Variants in CSMD1 observed in about 807,000 individuals in gnomAD.
The protein encoded by CSMD1 is CUB and Sushi multiple domains 1.
Under a neutral mutation model 417.5 loss-of-function variants are expected in CSMD1, and 213 were observed. The observed-to-expected ratio is 0.51, with a 90% CI of 0.46 to 0.57. The LOEUF (loss-of-function observed/expected upper bound fraction) is 0.57. Among genes scored for constraint, CSMD1 ranks in the 20% least tolerant of loss-of-function variants. CSMD1 has a pLI of 0.00. For synonymous variants in CSMD1, 2,862 were observed against 1,736.8 expected (o/e 1.65, Z -16.11); for missense variants, 6,923 against 4,529.7 (o/e 1.53, Z -15.17).
chr8:4,121,832 G>A (rs1292507863), intron 3 of CSMD1, among the ~76,000 whole-genome samples: 2 of 151,194 alleles, frequency 1.3e-5, no homozygotes, highest in East Asian at 1.9e-4. Flanking sequence ...GCTTTGGGGG[G>A]GACAAAAAAA....
intron 3 of CSMD1, among the ~76,000 whole-genome samples, chr8:4,296,584 G>C (rs536303500): frequency 6.7e-6 from 1 of 148,722 alleles, no homozygotes; most frequent in Non-Finnish European, 1.5e-5. Flanking sequence ...ACATGCAAAA[G>C]GCAGGTACAT....
chr8:4,398,618 A>T (rs746668865), intron 3 of CSMD1, among the ~76,000 whole-genome samples: 1 of 151,826 alleles, frequency 6.6e-6, no homozygotes, highest in Admixed American at 6.6e-5. Context: ...GATTGTCTCG[A>T]TCTCCTGACC....
Position 3,811,886 on chromosome 8 carries a change from G to C in CSMD1, c.819-57844C>G, listed in dbSNP as rs189915904. ...TTAAGCCACTATGTGTTGTGTTTTTGCTCATTTGAAGCCTACAAAGTCTTA... is the reference window on the plus strand; with the variant it reads ...TTAAGCCACTATGTGTTGTGTTTTTCCTCATTTGAAGCCTACAAAGTCTTA... On this transcript the variant is annotated intron_variant, in intron 5 of 69. Coordinates refer to ENST00000635120, the MANE Select transcript of CSMD1 (RefSeq NM_033225.6). Among the ~76,000 whole-genome samples, 317 of 152,196 alleles carry C rather than the reference G, an allele frequency of 2.1e-3. 1 individual carries two copies. Among genetic ancestry groups the C allele is most frequent in the African/African-American group, 7.4e-3 (307 of 41,516 alleles).
chr8:2,975,910 A>G (rs1166387248), intron 55 of CSMD1, among the ~76,000 whole-genome samples: 1 of 152,194 alleles, frequency 6.6e-6, no homozygotes, highest in African/African-American at 2.4e-5. Context: ...GAACATCAGC[A>G]TCAGTACAAA....
chr8:4,124,608 G>C (rs753241891), intron 3 of CSMD1, among the ~76,000 whole-genome samples: 4 of 152,156 alleles, frequency 2.6e-5, no homozygotes, highest in African/African-American at 9.7e-5. Context: ...CCTGGCACCA[G>C]CACGCACAGC....
At chr8:4,389,559 C>G (rs902711761) in intron 3 of CSMD1, among the ~76,000 whole-genome samples, 1 of 151,950 alleles carries the variant, frequency 6.6e-6, no homozygotes, top group Non-Finnish European at 1.5e-5. Context: ...GTTAATTTAT[C>G]AAAAGAACAA....
intron 12 of CSMD1, among the ~76,000 whole-genome samples, chr8:3,412,899 CT>C (rs1812902589): frequency 6.6e-6 from 1 of 152,182 alleles, no homozygotes; most frequent in Non-Finnish European, 1.5e-5. Context: ...GAAAAGAGCT[CT>C]TGTTTGTTGT....
intron 26 of CSMD1, 62 bp from the exon 27 acceptor site, chr8:3,230,293 G>C (rs1798758396): frequency 3.0e-6 from 4 of 1,351,270 alleles, no homozygotes; most frequent in Non-Finnish European, 3.0e-6. Context: ...ATTCTTGTCG[G>C]TGTGGTTGTT....
At chr8:4,657,362 G>C (rs1048870903) in intron 1 of CSMD1, among the ~76,000 whole-genome samples, 2 of 152,102 alleles carry the variant, frequency 1.3e-5, no homozygotes, top group African/African-American at 2.4e-5. Flanking sequence ...TTTTTGTTTT[G>C]TATTTCCTTT....
Position 3,118,557 on chromosome 8 carries a change from G to T in CSMD1, c.6272C>A (p.Pro2091His). Residue 2091 changes from proline (P) to histidine (H), a missense_variant, in exon 42 of 70, where the codon CCC (proline) becomes CAC (histidine). Transcript: ENST00000635120. Reference protein sequence around the residue: ...AYELQNCPDPPPFQNGYMINS... With the variant: ...AYELQNCPDPHPFQNGYMINS... ...GATCATGTACCCATTCTGAAATGGGGGTGGATCTGGACAGTTCTGTAATTC... is the reference window on the plus strand; with the variant it reads ...GATCATGTACCCATTCTGAAATGGGTGTGGATCTGGACAGTTCTGTAATTC... 7.4e-6 allele frequency: 12 copies of T among 1,613,778 alleles called. No homozygotes were observed. The highest frequency in any genetic ancestry group is 1.0e-5 in the Non-Finnish European group (12 of 1,179,796).
chr8:3,347,940 A>G, intron 22 of CSMD1, 52 bp downstream of exon 22: 1 of 1,324,234 alleles, frequency 7.6e-7, no homozygotes. Flanking sequence ...TAGACAATGT[A>G]TTTTTTGAGA....
At chr8:4,032,873 G>T (rs986481887) in intron 3 of CSMD1, among the ~76,000 whole-genome samples, 7 of 152,086 alleles carry the variant, frequency 4.6e-5, no homozygotes, top group Non-Finnish European at 1.0e-4. Context: ...TGAAAAACTA[G>T]GTCAGGCCGT....
chr8:3,923,133 G>C (rs1809394032), intron 5 of CSMD1, among the ~76,000 whole-genome samples: 1 of 152,274 alleles, frequency 6.6e-6, no homozygotes, highest in East Asian at 1.9e-4. Flanking sequence ...TTAAAAGAGA[G>C]CTAGGGTCCC....
rs535332568 is a variant in CSMD1, at chr8:3,052,829, T to G, written c.7475-182A>C. ...AAGAGTTTTGTGCTGTCTCCCAGGC[T>G]GGAGTGCAATGACTCGATCTCAGCT... is the stretch of plus-strand genomic sequence containing the variant. On this transcript the variant is annotated intron_variant, in intron 49 of 69. Coordinates refer to ENST00000635120, the MANE Select transcript of CSMD1 (RefSeq NM_033225.6). 1.3e-4 allele frequency among the ~76,000 whole-genome samples: 20 copies of G among 149,880 alleles called. No homozygotes were observed. The South Asian group carries it at 4.2e-3, about 32-fold the overall frequency.
intron 26 of CSMD1, among the ~76,000 whole-genome samples, chr8:3,270,818 GAA>G (rs1380234765): frequency 3.3e-5 from 5 of 152,114 alleles, no homozygotes; most frequent in Admixed American, 1.3e-4. Flanking sequence ...AATTTATAAA[GAA>G]AAGAGTTTTA....
intron 20 of CSMD1, among the ~76,000 whole-genome samples, chr8:3,363,359 T>C (rs970368263): frequency 6.6e-6 from 1 of 152,176 alleles, no homozygotes; most frequent in Admixed American, 6.5e-5. Context: ...GGGAAAGGAA[T>C]AATTTTGGTG....
At chr8:4,405,889 G>C (rs147197764) in intron 3 of CSMD1, among the ~76,000 whole-genome samples, 2 of 152,122 alleles carry the variant, frequency 1.3e-5, no homozygotes, top group Non-Finnish European at 1.5e-5. Flanking sequence ...GTTATTTTTG[G>C]TCAATCCTAA....
chr8:3,265,865 G>C (rs1422472444), intron 26 of CSMD1, among the ~76,000 whole-genome samples: 1 of 151,986 alleles, frequency 6.6e-6, no homozygotes, highest in Non-Finnish European at 1.5e-5. Context: ...GTGGGGAAGA[G>C]AAAAGCGGAC....
At chr8:4,854,656 A>G (rs143443877) in intron 1 of CSMD1, among the ~76,000 whole-genome samples, 3,105 of 151,866 alleles carry the variant, frequency 0.02, 116 homozygotes, top group African/African-American at 0.071. Context: ...GGTGACGGAC[A>G]GCACCTGGAA....
Sources: gnomAD v4.1 joint callset for allele counts (sites outside exome capture counted in the v4.1 genomes callset) on GRCh38, gnomAD v4.1.1 for gene constraint, MANE v1.5 for transcripts, NCBI Gene and HGNC (gene_info 2026-07-23, HGNC 2026-07-21) for gene names.